Variants in TSHZ2 observed in about 807,000 individuals in gnomAD.
The protein encoded by TSHZ2 is teashirt homolog 2.
In TSHZ2, 21 loss-of-function variants were observed where a neutral mutation model predicts 74.4. The ratio of observed to expected loss-of-function variants is 0.28; its 90% confidence interval spans 0.20 to 0.41. The LOEUF (loss-of-function observed/expected upper bound fraction) is 0.41. TSHZ2 is among the 10% of genes least tolerant of loss of function. The pLI, the probability that TSHZ2 is intolerant of heterozygous loss-of-function variation, is 1.00. For missense variants in TSHZ2, 1,244 were observed against 1,293.5 expected (o/e 0.96, Z 0.59); for synonymous variants, 540 against 515.3 (o/e 1.05, Z -0.65).
intron 1 of TSHZ2, among the ~76,000 whole-genome samples, chr20:52,994,610 T>G (rs778998775): frequency 6.6e-6 from 1 of 152,200 alleles, no homozygotes; most frequent in Non-Finnish European, 1.5e-5. Flanking sequence ...TTAGCAATGG[T>G]TCCCTTGATT....
chr20:53,172,604 C>T (rs1053645582), intron 1 of TSHZ2, among the ~76,000 whole-genome samples: 1 of 152,166 alleles, frequency 6.6e-6, no homozygotes, highest in Non-Finnish European at 1.5e-5. Context: ...TTTGTAAAAT[C>T]GACTCTGTGC....
intron 1 of TSHZ2, among the ~76,000 whole-genome samples, chr20:52,992,449 CA>C (rs781564430): frequency 1.5e-4 from 23 of 152,168 alleles, no homozygotes; most frequent in Non-Finnish European, 2.8e-4. Context: ...CGTAAGAAAA[CA>C]GTTCTTCAGT....
intron 2 of TSHZ2, among the ~76,000 whole-genome samples, chr20:53,305,541 C>A (rs1309519016): frequency 6.6e-6 from 1 of 152,200 alleles, no homozygotes; most frequent in Non-Finnish European, 1.5e-5. Flanking sequence ...AAATGTCTGA[C>A]AATCACAGGG....
At chr20:53,469,839 A>G (rs1985735624) in intron 2 of TSHZ2, among the ~76,000 whole-genome samples, 2 of 101,240 alleles carry the variant, frequency 2.0e-5, no homozygotes, top group Admixed American at 9.9e-5. Context: ...AGAGGGAGGA[A>G]GGGAGGGAGG....
rs560799736 is a variant in TSHZ2, at chr20:53,177,169, C to G, written c.41-76330C>G. On this transcript the variant is annotated intron_variant, in intron 1 of 2. Transcript: ENST00000371497. Reference sequence around the variant, plus strand: ...AAAGTGCTGAGATTACAGGTGTGAACCACTGCATCCAACCACTGTATGCAT... The same window carrying G: ...AAAGTGCTGAGATTACAGGTGTGAAGCACTGCATCCAACCACTGTATGCAT... 3.3e-5 allele frequency among the ~76,000 whole-genome samples: 5 copies of G among 152,272 alleles called. No homozygotes were observed. The South Asian group carries it at 6.2e-4, about 19-fold the overall frequency.
intron 1 of TSHZ2, among the ~76,000 whole-genome samples, chr20:53,043,314 G>C (rs559572376): frequency 6.6e-6 from 1 of 152,088 alleles, no homozygotes; most frequent in Non-Finnish European, 1.5e-5. Flanking sequence ...CCTCTCAGGG[G>C]ACATTACCAA....
intron 1 of TSHZ2, among the ~76,000 whole-genome samples, chr20:53,045,111 C>T (rs770479634): frequency 2.7e-4 from 41 of 152,228 alleles, no homozygotes; most frequent in Non-Finnish European, 8.8e-5. Context: ...GCATTTACCA[C>T]TCACACTCCA....
chr20:53,034,937 G>T (rs773904937), intron 1 of TSHZ2, among the ~76,000 whole-genome samples: 3 of 152,220 alleles, frequency 2.0e-5, no homozygotes, highest in Non-Finnish European at 4.4e-5. Context: ...TTTCAAGGTG[G>T]ATTACTCCAG....
At position 53,192,088 on chromosome 20, in the gene TSHZ2, A is replaced by G. The variant is rs554083860; in HGVS notation, c.41-61411A>G. ...AAAGTATGTGCAAAACAATCTTACA[A>G]GGAGATAATATTATTAACTTGGTTT... On this transcript the variant is annotated intron_variant, in intron 1 of 2. Coordinates refer to ENST00000371497, the MANE Select transcript of TSHZ2 (RefSeq NM_173485.6). 5.9e-5 allele frequency among the ~76,000 whole-genome samples: 9 copies of G among 152,332 alleles called. No homozygotes were observed. The South Asian group carries it at 1.9e-3, about 32-fold the overall frequency.
At chr20:53,288,565 G>A (rs16997875) in intron 2 of TSHZ2, among the ~76,000 whole-genome samples, 1 of 152,100 alleles carries the variant, frequency 6.6e-6, no homozygotes, top group Admixed American at 6.5e-5. Context: ...CAGTGATTGG[G>A]AGGACCGCTC....
chr20:53,178,483 C>T (rs1988396210), intron 1 of TSHZ2: 2 of 152,256 alleles, frequency 1.3e-5, no homozygotes, highest in Non-Finnish European at 2.9e-5. Context: ...AATCCTAAGA[C>T]TCTGTCCATT....
intron 2 of TSHZ2, chr20:53,397,591 A>G (rs1231858948): frequency 6.6e-6 from 1 of 152,242 alleles, no homozygotes; most frequent in Non-Finnish European, 1.5e-5. Flanking sequence ...ATCTAGAACT[A>G]GAAATACCAT....
chr20:53,457,960 C>T (rs2145802599), intron 2 of TSHZ2, among the ~76,000 whole-genome samples: 1 of 150,002 alleles, frequency 6.7e-6, no homozygotes, highest in Non-Finnish European at 1.5e-5. Context: ...ATTCGTTTTG[C>T]CAGTATTTTA....
At chr20:53,238,149 G>T (rs920174380) in intron 1 of TSHZ2, among the ~76,000 whole-genome samples, 4 of 152,120 alleles carry the variant, frequency 2.6e-5, no homozygotes, top group Non-Finnish European at 2.9e-5. Context: ...AATGGTTTGA[G>T]CTTAGTTTAC....
chr20:52,998,283 C>T (rs1022804274), intron 1 of TSHZ2, among the ~76,000 whole-genome samples: 31 of 152,302 alleles, frequency 2.0e-4, no homozygotes, highest in African/African-American at 7.2e-4. Flanking sequence ...ATTCTCCTGC[C>T]TCAGCCTCCT....
chr20:53,274,793 T>C (rs1990908896), intron 2 of TSHZ2, among the ~76,000 whole-genome samples: 1 of 152,126 alleles, frequency 6.6e-6, no homozygotes, highest in South Asian at 2.1e-4. Flanking sequence ...TTCTCTTTCT[T>C]TGCCTCTTTT....
chr20:53,362,123 T>C (rs1981081398), intron 2 of TSHZ2, among the ~76,000 whole-genome samples: 1 of 152,000 alleles, frequency 6.6e-6, no homozygotes, highest in Admixed American at 6.5e-5. Context: ...CGCCTGGGCC[T>C]CCCGAAGTGC....
intron 2 of TSHZ2, among the ~76,000 whole-genome samples, chr20:53,461,216 G>C (rs4432518): frequency 0.019 from 2,928 of 152,038 alleles, 46 homozygotes; most frequent in Middle Eastern, 0.031. Flanking sequence ...AGGACCCTCC[G>C]AGCCAGGTGC....
At chr20:53,469,635 A>AG (rs1259748199) in intron 2 of TSHZ2, among the ~76,000 whole-genome samples, 22 of 17,762 alleles carry the variant, frequency 1.2e-3, no homozygotes, top group African/African-American at 4.7e-3. Flanking sequence ...GAAGGGAGGG[A>AG]GGAAGGAAGG....
Sources: allele counts gnomAD v4.1 joint callset (sites outside exome capture counted in the v4.1 genomes callset), GRCh38; gene constraint gnomAD v4.1.1; transcripts MANE v1.5; gene names NCBI Gene and HGNC (gene_info 2026-07-23, HGNC 2026-07-21).